SOX6: variants seen among roughly 807,000 people sequenced by gnomAD.
SOX6 encodes the protein transcription factor SOX-6.
In SOX6, 11 loss-of-function variants were observed where a neutral mutation model predicts 97.8. The observed-to-expected ratio is 0.11, with a 90% CI of 0.07 to 0.19. SOX6 has a LOEUF of 0.19. Among genes scored for constraint, SOX6 ranks in the 10% least tolerant of loss-of-function variants. The pLI is 1.00. For synonymous variants in SOX6, 360 were observed against 371.4 expected (o/e 0.97, Z 0.35); for missense variants, 810 against 1,039.5 (o/e 0.78, Z 3.04).
intron 1 of SOX6, among the ~76,000 whole-genome samples, chr11:16,404,175 G>A (rs1351324587): frequency 6.6e-5 from 10 of 151,776 alleles, no homozygotes. Flanking sequence ...GGGTCTGTTT[G>A]TTTTTTACCA....
chr11:16,595,518 A>C (rs557519992), intron 4 of SOX6, among the ~76,000 whole-genome samples: 9 of 150,620 alleles, frequency 6.0e-5, no homozygotes, highest in African/African-American at 2.2e-4. Context: ...TGATGGCTCC[A>C]CCTATAATCT....
chr11:16,469,294 G>A (rs999750497), intron 1 of SOX6, among the ~76,000 whole-genome samples: 2 of 151,912 alleles, frequency 1.3e-5, no homozygotes, highest in Non-Finnish European at 2.9e-5. Context: ...TCAGGGACTG[G>A]TCCAAAAAGT....
chr11:16,490,470 T>G (rs1054130106), intron 4 of SOX6, among the ~76,000 whole-genome samples: 4 of 152,066 alleles, frequency 2.6e-5, no homozygotes, highest in Non-Finnish European at 5.9e-5. Flanking sequence ...TATGCCTTGA[T>G]AAAATTCTAT....
chr11:16,506,874 G>T (rs1860796384), intron 4 of SOX6, among the ~76,000 whole-genome samples: 2 of 152,156 alleles, frequency 1.3e-5, no homozygotes, highest in South Asian at 4.2e-4. Context: ...GACCAGCCTG[G>T]TCAACATGGT....
intron 4 of SOX6, among the ~76,000 whole-genome samples, chr11:16,545,457 C>T (rs1273394943): frequency 6.6e-6 from 1 of 152,054 alleles, no homozygotes; most frequent in South Asian, 2.1e-4. Context: ...AAAGTATATA[C>T]CTTAATGTAA....
At chr11:16,032,438 T>G (rs1855403166) in intron 12 of SOX6, among the ~76,000 whole-genome samples, 1 of 152,182 alleles carries the variant, frequency 6.6e-6, no homozygotes, top group Admixed American at 6.5e-5. Context: ...TGTTAATTAT[T>G]TCAAATTTTC....
chr11:16,135,541 A>G (rs905968906), intron 6 of SOX6, among the ~76,000 whole-genome samples: 6 of 152,216 alleles, frequency 3.9e-5, no homozygotes, highest in Non-Finnish European at 7.3e-5. Context: ...AGACTTCAGC[A>G]GAGAAAATAG....
chr11:16,724,701 A>C (rs2134055996), intron 2 of SOX6, among the ~76,000 whole-genome samples: 1 of 152,316 alleles, frequency 6.6e-6, no homozygotes, highest in East Asian at 1.9e-4. Flanking sequence ...ATAAGATTTT[A>C]TCTCTTCCTC....
At chr11:16,403,945 T>A (rs1165243616) in intron 1 of SOX6, among the ~76,000 whole-genome samples, 2 of 151,830 alleles carry the variant, frequency 1.3e-5, no homozygotes, top group Non-Finnish European at 2.9e-5. Context: ...AGATAATTAT[T>A]CTTATGGTCA....
intron 9 of SOX6, among the ~76,000 whole-genome samples, chr11:16,070,214 G>A (rs1401478533): frequency 6.6e-6 from 1 of 151,844 alleles, no homozygotes; most frequent in Non-Finnish European, 1.5e-5. Context: ...CTAGCTAAAG[G>A]TCCTCTTGAC....
chr11:16,439,407 C>A (rs1488345978), intron 1 of SOX6, among the ~76,000 whole-genome samples: 1 of 152,076 alleles, frequency 6.6e-6, no homozygotes, highest in Non-Finnish European at 1.5e-5. Flanking sequence ...ATCAACTGCT[C>A]ACTAAAACAA....
chr11:16,526,448 A>C (rs909178260), intron 4 of SOX6, among the ~76,000 whole-genome samples: 1 of 151,586 alleles, frequency 6.6e-6, no homozygotes, highest in Non-Finnish European at 1.5e-5. Flanking sequence ...ACACATGGAC[A>C]CAGGAAGGGG....
chr11:16,341,339 A>C, intron 1 of SOX6, 87 bp from the exon 2 acceptor site: 1 of 1,533,394 alleles, frequency 6.5e-7, no homozygotes, highest in African/African-American at 1.4e-5. Flanking sequence ...TCAGGAAAGA[A>C]GGAAAGTTAT....
intron 1 of SOX6, among the ~76,000 whole-genome samples, chr11:16,344,210 G>A (rs922611856): frequency 2.6e-5 from 4 of 151,464 alleles, no homozygotes; most frequent in African/African-American, 9.7e-5. Context: ...GAATTGTTGG[G>A]GTTTTTTTGT....
chr11:16,307,838 C>A (rs145925546), intron 3 of SOX6, among the ~76,000 whole-genome samples: 1 of 152,194 alleles, frequency 6.6e-6, no homozygotes, highest in East Asian at 1.9e-4. Context: ...TTTCTAGCCA[C>A]CTATTTGTAT....
rs114326112 is a variant in SOX6 at position 16,401,933 on chromosome 11, T to C, written c.-4-60681A>G. ...ATCATCAAGAGATGATGTTTTTGCTTAAAAAAGAAAAAGTACACTTGTTCC... is the reference window on the plus strand; with the variant it reads ...ATCATCAAGAGATGATGTTTTTGCTCAAAAAAGAAAAAGTACACTTGTTCC... On this transcript the variant is annotated intron_variant, in intron 1 of 15. Transcript: ENST00000396356. Among the ~76,000 whole-genome samples the C allele has an allele frequency of 9.9e-3, 1,507 of 151,552 alleles. 27 individuals are homozygous for C. Among genetic ancestry groups the C allele is most frequent in the African/African-American group, 0.035 (1,434 of 41,432 alleles).
intron 4 of SOX6, among the ~76,000 whole-genome samples, chr11:16,608,712 A>G (rs111227370): frequency 0.015 from 2,305 of 152,342 alleles, 60 homozygotes; most frequent in African/African-American, 0.052. Context: ...ATTATAAATA[A>G]CAGGACATGT....
At chr11:16,145,573 A>T (rs1389413185) in intron 6 of SOX6, among the ~76,000 whole-genome samples, 1 of 152,224 alleles carries the variant, frequency 6.6e-6, no homozygotes, top group Non-Finnish European at 1.5e-5. Context: ...GTCTGTTTGT[A>T]GATGACCTGA....
chr11:16,040,586 T>G (rs978582177), intron 12 of SOX6, among the ~76,000 whole-genome samples: 1 of 152,090 alleles, frequency 6.6e-6, no homozygotes, highest in African/African-American at 2.4e-5. Flanking sequence ...CAAAGAAATA[T>G]GTATGAAGCA....
Sources: allele counts gnomAD v4.1 joint callset (sites outside exome capture counted in the v4.1 genomes callset), GRCh38; gene constraint gnomAD v4.1.1; transcripts MANE v1.5; gene names NCBI Gene and HGNC (gene_info 2026-07-23, HGNC 2026-07-21).